PCDHGA5: variants seen among roughly 807,000 people sequenced by gnomAD.
PCDHGA5 encodes protocadherin gamma subfamily A, 5, also known as protocadherin gamma-A5.
In PCDHGA5, 36 loss-of-function variants were observed where a neutral mutation model predicts 56.7. The observed-to-expected ratio is 0.64, with a 90% confidence interval of 0.49 to 0.84. The LOEUF is 0.84. Among genes scored for constraint, PCDHGA5 ranks in the 40% least tolerant of loss-of-function variants. The pLI, the probability that PCDHGA5 is intolerant of heterozygous loss-of-function variation, is 0.00. For synonymous variants in PCDHGA5, 563 were observed against 520.2 expected (o/e 1.08, Z -1.12); for missense variants, 1,305 against 1,201.5 (o/e 1.09, Z -1.27).
intron 1 of PCDHGA5, chr5:141,376,074 T>C (rs1309324229): frequency 6.2e-6 from 10 of 1,613,500 alleles, no homozygotes; most frequent in South Asian, 1.1e-5. Flanking sequence ...ACCGTGGCCG[T>C]GGCCGACAGG....
intron 3 of PCDHGA5, among the ~76,000 whole-genome samples, chr5:141,509,532 A>C (rs2099877210): frequency 6.6e-6 from 1 of 152,124 alleles, no homozygotes; most frequent in African/African-American, 2.4e-5. Flanking sequence ...GCACAGGATG[A>C]AGCACCATCT....
At chr5:141,409,687 C>A (rs1190888512) in intron 1 of PCDHGA5, 2 of 1,613,202 alleles carry the variant, frequency 1.2e-6, no homozygotes, top group East Asian at 4.5e-5. Context: ...TGGCGAGTGA[C>A]CTAGAGCCCC....
Position 141,490,703 on chromosome 5 carries a change from G to GCCT in PCDHGA5, c.2422-4102_2422-4100dup. 6.2e-7 allele frequency: 1 copy of GCCT among 1,614,110 alleles called. No individual in the cohort carries two copies. The highest frequency in any genetic ancestry group is 8.5e-7 in the Non-Finnish European group (1 of 1,180,000). Reference sequence around the variant, plus strand: ...GATCCAGACACTGGGGATAATGCCCGCCTCACCTACTCCATTGTAGGAAAT... The same window carrying GCCT: ...GATCCAGACACTGGGGATAATGCCCGCCTCCTCACCTACTCCATTGTAGGAAAT... On this transcript the variant is annotated intron_variant, in intron 1 of 3. Transcript: ENST00000518069. This position sits in a 1 kb window ranked among gnomAD's most constrained non-coding sequence, Gnocchi z 5.4.
chr5:141,492,077 C>G (rs917149790), intron 1 of PCDHGA5: 1 of 483,342 alleles, frequency 2.1e-6, no homozygotes, highest in African/African-American at 2.0e-5. Context: ...GGCGCCGGCT[C>G]CGGCACGCTT....
Position 141,493,957 on chromosome 5 carries a change from G to A in PCDHGA5, c.2422-850G>A, listed in dbSNP as rs1360777586. 6.6e-6 allele frequency among the ~76,000 whole-genome samples: 1 copy of A among 152,228 alleles called. No individual in the cohort carries two copies. The highest frequency in any genetic ancestry group is 2.4e-5 in the African/African-American group (1 of 41,458). On this transcript the variant is annotated intron_variant, in intron 1 of 3. Coordinates refer to ENST00000518069, the MANE Select transcript of PCDHGA5 (RefSeq NM_018918.3). This position sits in a 1 kb window ranked among gnomAD's most constrained non-coding sequence, Gnocchi z 4.3. ...AGACCAGAAGGGACTCAGGAATGAA[G>A]TGGCTGGCCAGAGCCCCACACCTTC... is the stretch of plus-strand genomic sequence containing the variant.
At chr5:141,433,096 C>A in intron 1 of PCDHGA5, 3 of 1,614,118 alleles carry the variant, frequency 1.9e-6, no homozygotes, top group Non-Finnish European at 2.5e-6. Context: ...CAGACATGCT[C>A]GTCAGCCAGG....
chr5:141,478,376 C>T, intron 1 of PCDHGA5: 4 of 1,613,672 alleles, frequency 2.5e-6, no homozygotes, highest in Non-Finnish European at 3.4e-6. Flanking sequence ...CCTGATGTCG[C>T]CGCACCTTTA....
rs759756007 is a variant in PCDHGA5 at position 141,476,248 on chromosome 5, T to C, written c.2422-18559T>C. 2 of 1,613,856 alleles carry C rather than the reference T, an allele frequency of 1.2e-6. No individual in the cohort carries two copies. Among genetic ancestry groups the C allele is most frequent in the South Asian group, 2.2e-5 (2 of 91,050 alleles). On this transcript the variant is annotated intron_variant, in intron 1 of 3. Transcript: ENST00000518069. The surrounding 1 kb of genome is among the most constrained non-coding windows in gnomAD (Gnocchi z 7.6). The stretch of plus-strand genomic sequence containing the variant: ...AGATCCCGGAGGAAAGAGAGAAGGG[T>C]TTCGCTGTGGGCAACGTGGTCGCGA...
chr5:141,398,505 T>A (rs1561664724), intron 1 of PCDHGA5: 7 of 1,598,768 alleles, frequency 4.4e-6, no homozygotes, highest in Non-Finnish European at 6.0e-6. Context: ...TCGAGGACAT[T>A]AATGACCACA....
intron 1 of PCDHGA5, among the ~76,000 whole-genome samples, chr5:141,401,533 C>T (rs998579261): frequency 5.9e-5 from 9 of 151,790 alleles, no homozygotes; most frequent in South Asian, 2.1e-4. Context: ...AAGAAACTTA[C>T]AAAAAAAAGG....
chr5:141,485,888 G>T lies in PCDHGA5; in HGVS notation c.2422-8919G>T, dbSNP rs1166795987. 3 of 1,614,028 alleles carry T rather than the reference G, an allele frequency of 1.9e-6. No homozygotes were observed. The highest frequency in any genetic ancestry group is 2.5e-6 in the Non-Finnish European group (3 of 1,180,032). ...ATCCGTGCTGGACGTAAACGACAAC[G>T]CCCCAGCCTTCCAGCAATCCAGCTA... On this transcript the variant is annotated intron_variant, in intron 1 of 3. Coordinates refer to ENST00000518069, the MANE Select transcript of PCDHGA5 (RefSeq NM_018918.3). The surrounding 1 kb of genome is among the most constrained non-coding windows in gnomAD (Gnocchi z 5.7).
At chr5:141,395,431 C>T (rs929194882) in intron 1 of PCDHGA5, 19 of 702,102 alleles carry the variant, frequency 2.7e-5, no homozygotes, top group Non-Finnish European at 4.0e-5. Context: ...TGCTTTTAAA[C>T]GACTTGGAAA....
At chr5:141,464,282 A>AG (rs1318553407) in intron 1 of PCDHGA5, among the ~76,000 whole-genome samples, 1 of 151,396 alleles carries the variant, frequency 6.6e-6, no homozygotes, top group Non-Finnish European at 1.5e-5. Flanking sequence ...AAAAAAGCAA[A>AG]AAAAAAAACT....
intron 1 of PCDHGA5, chr5:141,415,661 T>C: frequency 6.3e-7 from 1 of 1,582,308 alleles, no homozygotes; most frequent in East Asian, 2.3e-5. Flanking sequence ...AAGATTGGTT[T>C]TTACTTTGAA....
At chr5:141,464,861 C>G (rs1178430383) in intron 1 of PCDHGA5, among the ~76,000 whole-genome samples, 1 of 152,134 alleles carries the variant, frequency 6.6e-6, no homozygotes, top group Non-Finnish European at 1.5e-5. Flanking sequence ...ACCTTAGCCT[C>G]CCAAGTAGCT....
intron 1 of PCDHGA5, chr5:141,370,851 G>C (rs903944197): frequency 6.2e-7 from 1 of 1,614,018 alleles, no homozygotes; most frequent in South Asian, 1.1e-5. Context: ...AGCCACATTT[G>C]CCCTGGAATC....
At chr5:141,379,558 A>G (rs917784555) in intron 1 of PCDHGA5, 4 of 152,206 alleles carry the variant, frequency 2.6e-5, no homozygotes, top group African/African-American at 7.2e-5. Flanking sequence ...ACTACTTTTC[A>G]TGGAGATCAG....
chr5:141,389,208 G>A (rs762367131), intron 1 of PCDHGA5: 7 of 1,613,930 alleles, frequency 4.3e-6, no homozygotes, highest in Non-Finnish European at 5.9e-6. Context: ...GCACATTGGT[G>A]ATGTAAATGA....
Position 141,413,864 on chromosome 5 carries a change from T to C in PCDHGA5, c.2421+47113T>C. 3 of 1,613,398 alleles carry C rather than the reference T, an allele frequency of 1.9e-6. No homozygotes were observed. The Admixed American group carries it at 5.0e-5, about 27-fold the overall frequency. ...GGTGACCCTCTCCGATCTGGCACTG[T>C]CCTTGTCAGTGTGACTGTCTTCGAT... On this transcript the variant is annotated intron_variant, in intron 1 of 3. Transcript: ENST00000518069.
Sources: gnomAD v4.1 joint callset for allele counts (sites outside exome capture counted in the v4.1 genomes callset) on GRCh38, gnomAD v4.1.1 for gene constraint, Gnocchi (gnomAD v3.1) non-coding constraint, MANE v1.5 for transcripts, NCBI Gene and HGNC (gene_info 2026-07-23, HGNC 2026-07-21) for gene names.